Variants in DAGLB observed in about 807,000 individuals in gnomAD.
DAGLB encodes the protein diacylglycerol lipase-beta.
Under a neutral mutation model 72.1 loss-of-function variants are expected in DAGLB, and 66 were observed. The ratio of observed to expected loss-of-function variants is 0.92; its 90% CI spans 0.75 to 1.12. DAGLB has a LOEUF of 1.12. DAGLB is among the 50% of genes most tolerant of loss of function. DAGLB has a pLI of 0.00. For missense variants in DAGLB, 1,065 were observed against 884.9 expected (o/e 1.20, Z -2.58); for synonymous variants, 414 against 359.5 (o/e 1.15, Z -1.71).
At chr7:6,425,110 G>A (rs1562483043) in intron 7 of DAGLB, among the ~76,000 whole-genome samples, 1 of 152,210 alleles carries the variant, frequency 6.6e-6, no homozygotes, top group African/African-American at 2.4e-5. Context: ...CCCAGGGTGC[G>A]GCCTGGACCT....
At position 6,436,122 on chromosome 7, in the gene DAGLB, T is replaced by C. The variant is rs146420406; in HGVS notation, c.419+240A>G. Among the ~76,000 whole-genome samples, 136 of 149,414 alleles carry C rather than the reference T, an allele frequency of 9.1e-4. 2 individuals carry two copies. The East Asian group carries it at 0.025, about 27-fold the overall frequency. Reference sequence around the variant, plus strand: ...AAAAAGAGAGAGAGACAGAAGGGAATGTAGAAAATAAAGAACCAGTAAGGA... The same window carrying C: ...AAAAAGAGAGAGAGACAGAAGGGAACGTAGAAAATAAAGAACCAGTAAGGA... On this transcript the variant is annotated intron_variant, in intron 3 of 14. Coordinates refer to ENST00000297056, the MANE Select transcript of DAGLB (RefSeq NM_139179.4).
intron 6 of DAGLB, among the ~76,000 whole-genome samples, 192 bp downstream of exon 6, chr7:6,430,288 G>C (rs1351156022): frequency 1.1e-5 from 1 of 92,718 alleles, no homozygotes; most frequent in Non-Finnish European, 2.2e-5. Flanking sequence ...TATATGCAGG[G>C]GGGAGGGAGG....
intron 6 of DAGLB, 42 bp downstream of exon 6, chr7:6,430,437 TA>T: frequency 7.1e-7 from 1 of 1,417,192 alleles, no homozygotes; most frequent in East Asian, 2.5e-5. Context: ...CTTTTTTTTT[TA>T]AGGGAAATAT....
chr7:6,415,177 AAGAC>A (rs1320739881), intron 11 of DAGLB, among the ~76,000 whole-genome samples: 43 of 152,110 alleles, frequency 2.8e-4, no homozygotes, highest in East Asian at 5.8e-4. Context: ...AAAAAAAAAA[AAGAC>A]AGCAAGAAAA....
In DAGLB at chr7:6,447,874, G is replaced by A. The variant is rs369292449; in HGVS notation, c.-32C>T. 1.3e-6 allele frequency: 2 copies of A among 1,578,458 alleles called. No homozygotes were observed. Among genetic ancestry groups the A allele is most frequent in the Non-Finnish European group, 1.7e-6 (2 of 1,165,814 alleles). On this transcript the variant is annotated 5_prime_UTR_variant, in exon 1 of 15. Transcript: ENST00000297056. ...GGTCCCGTAGCTCGCACTCAGGAGA[G>A]ACCCCGCGCGCCGTTCACCGAGAAC...
chr7:6,416,398 G>C, intron 11 of DAGLB: 1 of 445,280 alleles, frequency 2.2e-6, no homozygotes, highest in Non-Finnish European at 3.8e-6. Flanking sequence ...ACAAAAATTA[G>C]CCGGCATGCT....
chr7:6,435,409 C>G (rs1461737254), intron 3 of DAGLB: 1 of 179,898 alleles, frequency 5.6e-6, no homozygotes, highest in East Asian at 1.3e-4. Flanking sequence ...TCGCTTGAAC[C>G]AGAGAGTCGG....
rs888499045 is a variant in DAGLB at position 6,427,168 on chromosome 7, A to G, written c.930-1054T>C. On this transcript the variant is annotated intron_variant, in intron 6 of 14. Transcript: ENST00000297056. ...AATAAAAACTAAAAAAACTACAAAC[A>G]CATCGCAAACTGTACTTAGCAGATG... 2.6e-5 allele frequency among the ~76,000 whole-genome samples: 4 copies of G among 152,302 alleles called. No homozygotes were observed. In the South Asian group the frequency reaches 8.3e-4, roughly 32 times the overall value.
rs201712613 is a variant in DAGLB, at chr7:6,434,893, T to G, written c.547A>C (p.Asn183His). The G allele has an allele frequency of 4.8e-5, 78 of 1,614,028 alleles. No individual in the cohort carries two copies. The highest frequency in any genetic ancestry group is 6.2e-5 in the Non-Finnish European group (73 of 1,180,038). Reference protein sequence around the residue: ...LDSHDSSQLLNGLKTAATSVW... With the variant: ...LDSHDSSQLLHGLKTAATSVW... ...CTTGTAGCTGCTGTCTTGAGGCCAT[T>G]AAGTAACTGGCTTGAATCATGACTA... Residue 183 changes from asparagine (N) to histidine (H), a missense_variant, in exon 4 of 15, where the codon AAT becomes CAT. Coordinates refer to ENST00000297056, the MANE Select transcript of DAGLB (RefSeq NM_139179.4).
intron 13 of DAGLB, among the ~76,000 whole-genome samples, chr7:6,411,040 G>A (rs556513700): frequency 8.6e-5 from 13 of 151,834 alleles, no homozygotes; most frequent in Admixed American, 6.6e-4. Context: ...ACCCGCCACC[G>A]CACCCGGCTA....
chr7:6,420,110 G>A (rs994515228), intron 9 of DAGLB, among the ~76,000 whole-genome samples: 3 of 152,146 alleles, frequency 2.0e-5, no homozygotes, highest in Non-Finnish European at 4.4e-5. Context: ...TCACACCACT[G>A]CACTCAAGCC....
chr7:6,445,885 G>A (rs984807202), intron 2 of DAGLB, 68 bp downstream of exon 2: 1 of 1,465,124 alleles, frequency 6.8e-7, no homozygotes, highest in Non-Finnish European at 9.2e-7. Flanking sequence ...TGAATTGTAT[G>A]GTATGTGAAT....
At position 6,409,700 on chromosome 7, in the gene DAGLB, A is replaced by T; in HGVS notation, c.*137T>A. Reference sequence around the variant, plus strand: ...CCCATAAACTTAAGTCATTGAGACCATGGAATTCTGTTCCCATCCGATTCC... The same window carrying T: ...CCCATAAACTTAAGTCATTGAGACCTTGGAATTCTGTTCCCATCCGATTCC... On this transcript the variant is annotated 3_prime_UTR_variant, in exon 15 of 15. Coordinates refer to ENST00000297056, the MANE Select transcript of DAGLB (RefSeq NM_139179.4). 1 of 1,024,478 alleles carries T rather than the reference A, an allele frequency of 9.8e-7. No individual in the cohort carries two copies. Among genetic ancestry groups the T allele is most frequent in the South Asian group, 1.7e-5 (1 of 60,388 alleles). 63.5% of individuals were successfully genotyped at this position (1,024,478 alleles called of 1,614,324 possible).
chr7:6,426,081 G>A lies in DAGLB; in HGVS notation c.963C>T (p.Val321=), dbSNP rs771808126. The change falls in exon 7 of 15, where the codon GTC becomes GTT. Residue 321 remains valine, a synonymous_variant. Transcript: ENST00000297056. The part of the protein sequence containing the change: ...CRSRTTDYDL[V]GGDQLNCHFG... ...AGTGACAGTTGAGCTGATCGCCTCC[G>A]ACCAAGTCATAGTCTGTGGTTCTGC... The A allele has an allele frequency of 4.3e-6, 7 of 1,613,760 alleles. No individual in the cohort carries two copies. Among genetic ancestry groups the A allele is most frequent in the African/African-American group, 4.0e-5 (3 of 74,900 alleles).
At position 6,410,119 on chromosome 7, in the gene DAGLB, G is replaced by T; in HGVS notation, c.1820+11C>A. On this transcript the variant is annotated intron_variant, in intron 14 of 14. Coordinates refer to ENST00000297056, the MANE Select transcript of DAGLB (RefSeq NM_139179.4). ...CCTGCCTGCCCACCACACCCACCAC[G>T]CCGCACTCACCGCCCCGAGGCGCCC... 2 of 1,576,072 alleles carry T rather than the reference G, an allele frequency of 1.3e-6. No homozygotes were observed. The highest frequency in any genetic ancestry group is 8.6e-7 in the Non-Finnish European group (1 of 1,158,600).
At chr7:6,439,271 A>G (rs200373288) in intron 2 of DAGLB, among the ~76,000 whole-genome samples, 13 of 92,592 alleles carry the variant, frequency 1.4e-4, no homozygotes, top group African/African-American at 3.9e-4. Context: ...AAAAAAAAAG[A>G]AAAAAAAAAA....
At chr7:6,433,776 G>C (rs953662218) in intron 4 of DAGLB, among the ~76,000 whole-genome samples, 13 of 150,722 alleles carry the variant, frequency 8.6e-5, no homozygotes, top group African/African-American at 2.9e-4. Context: ...AGAATCTCTC[G>C]AACACAGGAG....
At chr7:6,419,050 C>A (rs1457533286) in intron 9 of DAGLB, among the ~76,000 whole-genome samples, 9 of 148,674 alleles carry the variant, frequency 6.1e-5, no homozygotes, top group Admixed American at 1.3e-4. Flanking sequence ...AAAAAGGCTT[C>A]AACACTCTGT....
At chr7:6,424,515 C>CG (rs1246453835) in intron 8 of DAGLB, among the ~76,000 whole-genome samples, 16 of 152,062 alleles carry the variant, frequency 1.1e-4, no homozygotes, top group Admixed American at 3.3e-4. Context: ...GCTCCTGTGG[C>CG]GGGGGGGCCA....
Sources: allele counts gnomAD v4.1 joint callset (sites outside exome capture counted in the v4.1 genomes callset), GRCh38; gene constraint gnomAD v4.1.1; transcripts MANE v1.5; gene names NCBI Gene and HGNC (gene_info 2026-07-23, HGNC 2026-07-21).